Variants in UNKL observed in about 807,000 individuals in gnomAD.
UNKL encodes putative E3 ubiquitin-protein ligase UNKL.
Under a neutral mutation model 78.0 loss-of-function variants are expected in UNKL, and 60 were observed. The ratio of observed to expected loss-of-function variants is 0.77; its 90% CI spans 0.63 to 0.95. UNKL has a LOEUF of 0.95. UNKL is among the 40% of genes least tolerant of loss of function. UNKL has a pLI of 0.00. For missense variants in UNKL, 1,159 were observed against 1,045.7 expected (o/e 1.11, Z -1.49); for synonymous variants, 608 against 474.8 (o/e 1.28, Z -3.65).
chr16:1,412,147 C>A (rs1304530799), intron 2 of UNKL: 1 of 152,210 alleles, frequency 6.6e-6, no homozygotes, highest in African/African-American at 2.4e-5. Flanking sequence ...GCAAGTAGAA[C>A]CTGATACCAC....
rs1037656620 is a variant in UNKL at position 1,401,502 on chromosome 16, C to T, written c.598+66G>A. On this transcript the variant is annotated intron_variant, in intron 4 of 14. Transcript: ENST00000389221. ...CTGAAAGGCACAGGGAACCAAGTGG[C>T]CCGAGCTGTTCTCGCGCTGTGCCCG... is the stretch of plus-strand genomic sequence containing the variant. The T allele has an allele frequency of 4.2e-6, 6 of 1,421,714 alleles. No homozygotes were observed. In the African/African-American group the frequency reaches 5.7e-5, roughly 14 times the overall value. The allele number at this position is 1,421,714 out of a possible 1,614,324, so 88.1% of individuals were successfully genotyped here.
At position 1,367,227 on chromosome 16, in the gene UNKL, C is replaced by T; in HGVS notation, c.1911G>A (p.Gln637=). 1 of 1,600,836 alleles carries T rather than the reference C, an allele frequency of 6.2e-7. No individual in the cohort carries two copies. Among genetic ancestry groups the T allele is most frequent in the Non-Finnish European group, 8.5e-7 (1 of 1,176,568 alleles). Residue 637 remains glutamine (Q), a synonymous_variant, in exon 14 of 15, where the codon CAG becomes CAA. Transcript: ENST00000389221. ...CTACGCCCAGGCCCTCCAGCTCCTCCTGCAGCTGCTTCACCTGTGCCTCCA... is the reference window on the plus strand; with the variant it reads ...CTACGCCCAGGCCCTCCAGCTCCTCTTGCAGCTGCTTCACCTGTGCCTCCA... ...EEVEAQVKQL[Q]EELEGLGVAS...
chr16:1,396,932 CAT>C lies in UNKL; in HGVS notation c.852+244_852+245del, dbSNP rs921847004. ...ACATTTTCTCTCTGCTTTTTTCCCACATGACTCTTTCTTCTGTTACAGGCCAA... is the reference window on the plus strand; with the variant it reads ...ACATTTTCTCTCTGCTTTTTTCCCACGACTCTTTCTTCTGTTACAGGCCAA... On this transcript the variant is annotated intron_variant, in intron 6 of 14. Transcript: ENST00000389221. The C allele has an allele frequency of 1.3e-4, 68 of 529,360 alleles. 1 individual carries two copies. Among genetic ancestry groups the C allele is most frequent in the East Asian group, 1.1e-3 (32 of 29,948 alleles). The allele number at this position is 529,360 out of a possible 1,614,324, so 32.8% of individuals were successfully genotyped here. A position where few individuals can be genotyped will look rare whatever the true frequency, so the allele number is the denominator to read the frequency against.
intron 2 of UNKL, among the ~76,000 whole-genome samples, chr16:1,409,107 C>T (rs937482981): frequency 3.3e-5 from 5 of 151,992 alleles, no homozygotes; most frequent in African/African-American, 9.7e-5. Context: ...TTAGTAGAGA[C>T]GGGGTTTCAC....
intron 2 of UNKL, among the ~76,000 whole-genome samples, chr16:1,408,274 C>A (rs185851937): frequency 9.6e-4 from 145 of 151,606 alleles, no homozygotes; most frequent in African/African-American, 3.3e-3. Flanking sequence ...CCCCCCCCAA[C>A]GACCAGGACG....
chr16:1,414,185 C>A, intron 1 of UNKL, 130 bp from the exon 2 acceptor site: 1 of 924,068 alleles, frequency 1.1e-6, no homozygotes, highest in Non-Finnish European at 1.6e-6. Flanking sequence ...TCCCGGCGGG[C>A]CCCAGGCGCT....
chr16:1,406,321 T>C (rs1596766551), intron 2 of UNKL, among the ~76,000 whole-genome samples: 1 of 151,966 alleles, frequency 6.6e-6, no homozygotes, highest in Non-Finnish European at 1.5e-5. Flanking sequence ...TAAGCGATTC[T>C]CCTGCCTCAG....
At chr16:1,414,499 A>G (rs2038190341) in intron 1 of UNKL, 116 bp downstream of exon 1, 3 of 205,530 alleles carry the variant, frequency 1.5e-5, no homozygotes, top group South Asian at 3.1e-4. Flanking sequence ...CCCCCAGCCC[A>G]GGCGCTGCGC....
chr16:1,389,132 G>C (rs925154620), intron 9 of UNKL, among the ~76,000 whole-genome samples: 5 of 151,896 alleles, frequency 3.3e-5, no homozygotes, highest in African/African-American at 1.2e-4. Context: ...TCCTGTGAGT[G>C]GAATCACGCA....
Position 1,363,289 on chromosome 16 carries a change from AAAAAAAT to A in UNKL, c.*2944_*2950del. 1.7e-6 allele frequency: 1 copy of A among 599,588 alleles called. No homozygotes were observed. Among genetic ancestry groups the A allele is most frequent in the Admixed American group, 2.8e-5 (1 of 35,264 alleles). The allele number at this position is 599,588 out of a possible 1,614,324, so 37.1% of individuals were successfully genotyped here. On this transcript the variant is annotated 3_prime_UTR_variant, in exon 15 of 15. Transcript: ENST00000389221. ...AACCATTGCATAAATGCTATAGTGTAAAAAAATTTAAACAAGTGTTAACTTTAAACAG... is the reference window on the plus strand; with the variant it reads ...AACCATTGCATAAATGCTATAGTGTATTAAACAAGTGTTAACTTTAAACAG...
chr16:1,370,426 G>A, intron 11 of UNKL, 69 bp from the exon 12 acceptor site: 1 of 1,511,656 alleles, frequency 6.6e-7, no homozygotes. Context: ...GCCATGGGCG[G>A]CAGCCGTGGA....
In UNKL at chr16:1,414,686, C is replaced by T. The variant is rs778707021; in HGVS notation, c.6G>A (p.Pro2=). Residue 2 remains proline (P), a synonymous_variant, in exon 1 of 15, where the codon CCG becomes CCA. Coordinates refer to ENST00000389221, the MANE Select transcript of UNKL (RefSeq NM_001372107.1). ...CCGCTGCCGCCGCTTTCGAAACCGA[C>T]GGCATTTTCAGTCAAAACAATGCAG... The part of the protein sequence containing the change: M[P]SVSKAAAAAL... The T allele has an allele frequency of 8.7e-7, 1 of 1,144,304 alleles. No individual in the cohort carries two copies. Among genetic ancestry groups the T allele is most frequent in the Non-Finnish European group, 1.1e-6 (1 of 919,780 alleles). The allele number at this position is 1,144,304 out of a possible 1,614,324, so 70.9% of individuals were successfully genotyped here.
rs762490068 is a variant in UNKL at position 1,367,252 on chromosome 16, ACCT to A, written c.1883_1885del (p.Glu628del). On this transcript the variant is annotated inframe_deletion, in exon 14 of 15. Transcript: ENST00000389221. ...CTGCAGCTGCTTCACCTGTGCCTCC[ACCT>A]CCTCCTTCTTCTGCAGCGCCAGCTG... The A allele has an allele frequency of 1.3e-6, 2 of 1,585,694 alleles. No individual in the cohort carries two copies. Among genetic ancestry groups the A allele is most frequent in the South Asian group, 2.3e-5 (2 of 87,114 alleles).
intron 10 of UNKL, among the ~76,000 whole-genome samples, chr16:1,378,574 T>C (rs960686727): frequency 6.6e-6 from 1 of 152,204 alleles, no homozygotes. Context: ...GCGCAGCATG[T>C]GGAGGGGCTA....
rs1285516488 is a variant in UNKL, at chr16:1,393,126, T to C, written c.938-150A>G. 4.0e-5 allele frequency: 31 copies of C among 779,106 alleles called. No individual in the cohort carries two copies. In the Admixed American group the frequency reaches 6.8e-4, roughly 17 times the overall value. 48.3% of individuals were successfully genotyped at this position (779,106 alleles called of 1,614,324 possible). A position where few individuals can be genotyped will look rare whatever the true frequency, so the allele number is the denominator to read the frequency against. On this transcript the variant is annotated intron_variant, in intron 7 of 14. Transcript: ENST00000389221. ...GCGGCAGAGGACGGCTGGGCAGTGG[T>C]GGGGACACTCAGGGCAACAGGACCC...
chr16:1,382,544 G>C (rs997450376), intron 10 of UNKL, among the ~76,000 whole-genome samples: 2 of 152,212 alleles, frequency 1.3e-5, no homozygotes, highest in African/African-American at 4.8e-5. Context: ...GGAGGGACTG[G>C]CCCTGGATTC....
chr16:1,375,584 C>G (rs1210643664), intron 10 of UNKL, among the ~76,000 whole-genome samples: 1 of 152,190 alleles, frequency 6.6e-6, no homozygotes, highest in Admixed American at 6.5e-5. Flanking sequence ...GGAGTGGCCT[C>G]CACTCCCACG....
chr16:1,376,195 C>T (rs1477207124), intron 10 of UNKL, among the ~76,000 whole-genome samples: 1 of 145,516 alleles, frequency 6.9e-6, no homozygotes, highest in Non-Finnish European at 1.5e-5. Flanking sequence ...GCTCCTCCCT[C>T]CTCCCTCACT....
In UNKL at chr16:1,414,200, C is replaced by T. The variant is rs112428072; in HGVS notation, c.78-145G>A. On this transcript the variant is annotated intron_variant, in intron 1 of 14. Transcript: ENST00000389221. ...TCCCGGCGGGCCCCAGGCGCTGCGC[C>T]CACCCCCATCCCGACTCCAGACGCG... 2.6e-3 allele frequency: 2,080 copies of T among 789,638 alleles called. 34 individuals are homozygous for T. The African/African-American group carries it at 0.032, about 12-fold the overall frequency. 48.9% of individuals were successfully genotyped at this position (789,638 alleles called of 1,614,324 possible). A position where few individuals can be genotyped will look rare whatever the true frequency, so the allele number is the denominator to read the frequency against.
Sources: allele counts gnomAD v4.1 joint callset (sites outside exome capture counted in the v4.1 genomes callset), GRCh38; gene constraint gnomAD v4.1.1; transcripts MANE v1.5; gene names NCBI Gene and HGNC (gene_info 2026-07-23, HGNC 2026-07-21).